The following ZCCHC14 variants were observed in gnomAD, a reference collection of about 807,000 sequenced individuals.
ZCCHC14 encodes zinc finger CCHC domain-containing protein 14.
In ZCCHC14, 16 loss-of-function variants were observed where a neutral mutation model predicts 85.0. That is an observed-to-expected ratio of 0.19 (90% CI 0.13 to 0.29). The LOEUF (loss-of-function observed/expected upper bound fraction) is 0.29. Ranked by LOEUF, ZCCHC14 falls within the 10% of genes least tolerant of loss-of-function variation. ZCCHC14 has a pLI of 1.00. For missense variants in ZCCHC14, 1,303 were observed against 1,443.5 expected, an observed-to-expected ratio of 0.90 and a Z score of 1.58; for synonymous variants, 775 against 630.7, an observed-to-expected ratio of 1.23 and a Z score of -3.43.
At chr16:87,417,397 C>G (rs546474540) in intron 8 of ZCCHC14, 63 bp downstream of exon 8, 7 of 1,575,432 alleles carry the variant, frequency 4.4e-6, no homozygotes, top group Middle Eastern at 1.7e-4. Flanking sequence ...ACTCAATGCC[C>G]CCAGGGAGGT....
At chr16:87,463,515 C>T (rs1292352971) in intron 1 of ZCCHC14, among the ~76,000 whole-genome samples, 1 of 152,114 alleles carries the variant, frequency 6.6e-6, no homozygotes, top group African/African-American at 2.4e-5. Flanking sequence ...TGCCTTTTCT[C>T]TTTTTTAAGA....
intron 1 of ZCCHC14, among the ~76,000 whole-genome samples, chr16:87,481,597 T>G (rs1597454336): frequency 1.1e-4 from 12 of 109,454 alleles, no homozygotes; most frequent in East Asian, 3.0e-4. Context: ...GAAAGGAAAG[T>G]ACAGGGGGAA....
intron 2 of ZCCHC14, among the ~76,000 whole-genome samples, chr16:87,434,158 C>G (rs59002427): frequency 0.14 from 20,921 of 152,212 alleles, 1,850 homozygotes; most frequent in East Asian, 0.44. Context: ...TTTCCACGTA[C>G]ACTGGTGCGT....
intron 1 of ZCCHC14, among the ~76,000 whole-genome samples, chr16:87,481,373 G>C (rs928241849): frequency 5.9e-5 from 9 of 152,088 alleles, no homozygotes; most frequent in South Asian, 2.1e-4. Context: ...CAGAAGCAAA[G>C]TGGAGTTAGG....
intron 4 of ZCCHC14, among the ~76,000 whole-genome samples, chr16:87,422,975 G>C (rs1909182799): frequency 6.6e-6 from 1 of 152,154 alleles, no homozygotes; most frequent in African/African-American, 2.4e-5. Flanking sequence ...AGGCCAAAAA[G>C]ATAAGTGTAA....
rs370616323 is a variant in ZCCHC14 at position 87,463,007 on chromosome 16, G to A, written c.571-2876C>T. On this transcript the variant is annotated intron_variant, in intron 1 of 12. Transcript: ENST00000671377. ...CGCTTGAACCCCGGAGTTGGAGGTT[G>A]TAGGGAGCCGAGATTGCGCCATTGC... Among the ~76,000 whole-genome samples the A allele has an allele frequency of 1.2e-4, 19 of 152,286 alleles. No individual in the cohort carries two copies. The South Asian group carries it at 3.9e-3, about 32-fold the overall frequency.
At chr16:87,454,667 T>C (rs1910865671) in intron 2 of ZCCHC14, among the ~76,000 whole-genome samples, 1 of 152,230 alleles carries the variant, frequency 6.6e-6, no homozygotes, top group African/African-American at 2.4e-5. Flanking sequence ...AATTCCAATT[T>C]TCAGGATAAA....
At chr16:87,484,652 C>G (rs1356830373) in intron 1 of ZCCHC14, among the ~76,000 whole-genome samples, 1 of 152,270 alleles carries the variant, frequency 6.6e-6, no homozygotes, top group African/African-American at 2.4e-5. Flanking sequence ...CGCCAGCCAG[C>G]GGGATGGAAG....
rs558249250 is a variant in ZCCHC14 at position 87,408,739 on chromosome 16, T to C, written c.*1541A>G. 59 of 152,566 alleles carry C rather than the reference T, an allele frequency of 3.9e-4. No individual in the cohort carries two copies. Among genetic ancestry groups the C allele is most frequent in the African/African-American group, 1.4e-3 (58 of 41,588 alleles). 9.5% of individuals were successfully genotyped at this position (152,566 alleles called of 1,614,324 possible). On this transcript the variant is annotated 3_prime_UTR_variant, in exon 13 of 13. Transcript: ENST00000671377. ...ATGAAGTTAGGAACTGCTCTTCAAA[T>C]TGAACGCTCACATCACAAGGCCTCA... is the stretch of plus-strand genomic sequence containing the variant.
In ZCCHC14 at chr16:87,491,638, G is replaced by C. The variant is rs755725578; in HGVS notation, c.570+31C>G. 6 of 1,382,004 alleles carry C rather than the reference G, an allele frequency of 4.3e-6. No homozygotes were observed. The South Asian group carries it at 8.5e-5, about 20-fold the overall frequency. 85.6% of individuals were successfully genotyped at this position (1,382,004 alleles called of 1,614,324 possible). A position where few individuals can be genotyped will look rare whatever the true frequency, so the allele number is the denominator to read the frequency against. ...GCAGAGTTGGGGATGCAGACTTGGGGTACAGGGCAGAGCTCGGGGCGGGCA... is the reference window on the plus strand; with the variant it reads ...GCAGAGTTGGGGATGCAGACTTGGGCTACAGGGCAGAGCTCGGGGCGGGCA... On this transcript the variant is annotated intron_variant, in intron 1 of 12. Coordinates refer to ENST00000671377, the MANE Select transcript of ZCCHC14 (RefSeq NM_015144.3). The surrounding 1 kb of genome is among the most constrained non-coding windows in gnomAD (Gnocchi z 5.9).
intron 1 of ZCCHC14, chr16:87,474,446 T>G (rs978964206): frequency 6.6e-6 from 1 of 152,236 alleles, no homozygotes; most frequent in Non-Finnish European, 1.5e-5. Flanking sequence ...TATTTATTTC[T>G]GCAACCCCTG....
intron 1 of ZCCHC14, among the ~76,000 whole-genome samples, chr16:87,483,280 A>C (rs2150777186): frequency 7.2e-6 from 1 of 138,250 alleles, no homozygotes; most frequent in South Asian, 2.4e-4. Context: ...CAACATGGTG[A>C]AACCCCATCT....
intron 1 of ZCCHC14, among the ~76,000 whole-genome samples, chr16:87,465,991 C>G (rs1388988654): frequency 6.6e-6 from 1 of 152,128 alleles, no homozygotes; most frequent in Non-Finnish European, 1.5e-5. Context: ...AAAAGGGAAT[C>G]CCCGCACTGC....
intron 8 of ZCCHC14, 64 bp from the exon 9 acceptor site, chr16:87,415,431 C>A: frequency 7.0e-7 from 1 of 1,424,202 alleles, no homozygotes; most frequent in Non-Finnish European, 9.8e-7. Flanking sequence ...GAACAAAGAA[C>A]TTGGAGTTGA....
intron 1 of ZCCHC14, among the ~76,000 whole-genome samples, chr16:87,476,517 G>A (rs1392905678): frequency 6.6e-6 from 1 of 152,008 alleles, no homozygotes; most frequent in Non-Finnish European, 1.5e-5. Context: ...TTCTTACACT[G>A]CACAAGGCGG....
chr16:87,481,599 C>A (rs1912283443), intron 1 of ZCCHC14, among the ~76,000 whole-genome samples: 1 of 118,788 alleles, frequency 8.4e-6, no homozygotes, highest in Admixed American at 1.1e-4. Flanking sequence ...AAGGAAAGTA[C>A]AGGGGGAAAG....
intron 2 of ZCCHC14, among the ~76,000 whole-genome samples, chr16:87,449,014 C>T (rs1910568605): frequency 6.6e-6 from 1 of 152,218 alleles, no homozygotes; most frequent in African/African-American, 2.4e-5. Context: ...CTCATGGCTC[C>T]CATGTGCCCT....
chr16:87,421,122 C>A (rs138250946), intron 4 of ZCCHC14, among the ~76,000 whole-genome samples: 27 of 152,230 alleles, frequency 1.8e-4, no homozygotes, highest in Admixed American at 3.3e-4. Flanking sequence ...ACGTGGCCAA[C>A]AGAAATGCCG....
rs371926301 is a variant in ZCCHC14, at chr16:87,468,233, G to A, written c.571-8102C>T. ...GACGTACAGATGGTGACATCTGTAC[G>A]TAACCATTTCAGGTTTCTTCCTTAA... On this transcript the variant is annotated intron_variant, in intron 1 of 12. Coordinates refer to ENST00000671377, the MANE Select transcript of ZCCHC14 (RefSeq NM_015144.3). Among the ~76,000 whole-genome samples, 20 of 152,238 alleles carry A rather than the reference G, an allele frequency of 1.3e-4. No individual in the cohort carries two copies. In the South Asian group the frequency reaches 3.3e-3, roughly 25 times the overall value.
Sources: allele counts gnomAD v4.1 joint callset (sites outside exome capture counted in the v4.1 genomes callset), GRCh38; gene constraint gnomAD v4.1.1; non-coding constraint Gnocchi (gnomAD v3.1); transcripts MANE v1.5; gene names NCBI Gene and HGNC (gene_info 2026-07-23, HGNC 2026-07-21).